HECTD4: variants seen among roughly 807,000 people sequenced by gnomAD.
HECTD4 encodes probable E3 ubiquitin-protein ligase HECTD4.
In HECTD4, 114 loss-of-function variants were observed where a neutral mutation model predicts 471.5. The ratio of observed to expected loss-of-function variants is 0.24; its 90% confidence interval spans 0.21 to 0.28. The LOEUF is 0.28. Ranked by LOEUF, HECTD4 falls within the 10% of genes least tolerant of loss-of-function variation. The pLI is 1.00. For missense variants in HECTD4, 3,866 were observed against 5,651.5 expected, an observed-to-expected ratio of 0.68 and a Z score of 10.13; for synonymous variants, 2,012 against 2,256.0, an observed-to-expected ratio of 0.89 and a Z score of 3.07.
intron 3 of HECTD4, among the ~76,000 whole-genome samples, chr12:112,314,184 A>AC (rs1294419535): frequency 6.6e-6 from 1 of 152,166 alleles, no homozygotes; most frequent in Non-Finnish European, 1.5e-5. Flanking sequence ...GACCACAGGC[A>AC]CGCACCACCA....
chr12:112,172,094 G>A (rs2031244408), intron 67 of HECTD4, among the ~76,000 whole-genome samples: 1 of 152,066 alleles, frequency 6.6e-6, no homozygotes, highest in East Asian at 1.9e-4. Flanking sequence ...GTAGAGATGG[G>A]GTTTCTCCAT....
intron 1 of HECTD4, among the ~76,000 whole-genome samples, chr12:112,337,878 T>A (rs2035986704): frequency 6.6e-6 from 1 of 152,222 alleles, no homozygotes; most frequent in Admixed American, 6.5e-5. Flanking sequence ...AGCAATTCTT[T>A]GACACTCCTG....
rs756977394 is a variant in HECTD4, at chr12:112,207,904, G to A, written c.8101C>T (p.Leu2701=). 6.2e-7 allele frequency: 1 copy of A among 1,613,952 alleles called. No individual in the cohort carries two copies. Among genetic ancestry groups the A allele is most frequent in the East Asian group, 2.2e-5 (1 of 44,888 alleles). ...TGTAAGGCCCCCTTTATCTGGTCCA[G>A]GCCCGATTTCCGCTCTGCTTCATTG... is the stretch of plus-strand genomic sequence containing the variant. ...FRNEAERKSG[L]DQIKGALQLG... Residue 2701 remains leucine, a synonymous_variant, in exon 52 of 76, where the codon CTG becomes TTG. Transcript: ENST00000682272.
intron 7 of HECTD4, among the ~76,000 whole-genome samples, chr12:112,299,898 A>G (rs1357255598): frequency 6.6e-6 from 1 of 152,234 alleles, no homozygotes; most frequent in Non-Finnish European, 1.5e-5. Flanking sequence ...TTTTGATTAC[A>G]TAACTATACG....
chr12:112,207,106 A>ATG (rs200619281), intron 52 of HECTD4, among the ~76,000 whole-genome samples: 3 of 148,150 alleles, frequency 2.0e-5, no homozygotes, highest in Non-Finnish European at 3.0e-5. Context: ...GTTTATGTAT[A>ATG]TGTGTGTGTG....
At chr12:112,305,836 T>C (rs1186366210) in intron 7 of HECTD4, among the ~76,000 whole-genome samples, 4 of 152,212 alleles carry the variant, frequency 2.6e-5, no homozygotes, top group Non-Finnish European at 5.9e-5. Flanking sequence ...CATTAAATAA[T>C]GTTATCTCCA....
At chr12:112,294,329 C>G (rs1364350910) in intron 7 of HECTD4, among the ~76,000 whole-genome samples, 1 of 152,102 alleles carries the variant, frequency 6.6e-6, no homozygotes, top group East Asian at 1.9e-4. Context: ...TTAATCATAA[C>G]TCAGTAGAGA....
chr12:112,303,719 T>C (rs759528290), intron 7 of HECTD4, among the ~76,000 whole-genome samples: 11 of 151,794 alleles, frequency 7.2e-5, no homozygotes, highest in Non-Finnish European at 1.3e-4. Context: ...GGTGTGGTCA[T>C]GCACGCCTAA....
At chr12:112,376,156 A>AT (rs1785300596) in intron 1 of HECTD4, among the ~76,000 whole-genome samples, 1 of 151,948 alleles carries the variant, frequency 6.6e-6, no homozygotes, top group Non-Finnish European at 1.5e-5. Flanking sequence ...ACAAACGGCT[A>AT]TTTTTTCTTT....
intron 8 of HECTD4, among the ~76,000 whole-genome samples, chr12:112,281,068 G>A (rs2034630515): frequency 6.6e-6 from 1 of 152,142 alleles, no homozygotes; most frequent in Non-Finnish European, 1.5e-5. Flanking sequence ...TGGGATTATA[G>A]GCATAAGCCA....
Position 112,381,868 on chromosome 12 carries a change from G to C in HECTD4, c.177+84C>G, listed in dbSNP as rs939156648. On this transcript the variant is annotated intron_variant, in intron 1 of 75. Coordinates refer to ENST00000682272, the MANE Select transcript of HECTD4 (RefSeq NM_001388303.1). This position sits in a 1 kb window ranked among gnomAD's most constrained non-coding sequence, Gnocchi z 4.1. ...GCAGCCGCCGGGAGGCGAGGCCGCG[G>C]CTGAGGCGAGGAGGGGGCCCGACCC... 3.9e-6 allele frequency: 4 copies of C among 1,012,800 alleles called. No homozygotes were observed. The African/African-American group carries it at 5.0e-5, about 13-fold the overall frequency. The allele number at this position is 1,012,800 out of a possible 1,614,324, so 62.7% of individuals were successfully genotyped here. A position where few individuals can be genotyped will look rare whatever the true frequency, so the allele number is the denominator to read the frequency against.
chr12:112,289,546 C>T (rs1239296142), intron 7 of HECTD4, among the ~76,000 whole-genome samples: 1 of 152,014 alleles, frequency 6.6e-6, no homozygotes, highest in Non-Finnish European at 1.5e-5. Flanking sequence ...TGGAGGAATA[C>T]AGATGGTGTT....
At chr12:112,208,893 CTT>C (rs756330403) in intron 50 of HECTD4, among the ~76,000 whole-genome samples, 2 of 72,468 alleles carry the variant, frequency 2.8e-5, no homozygotes, top group Non-Finnish European at 5.1e-5. Flanking sequence ...ACTAAACAGG[CTT>C]TTTTTTTTTT....
chr12:112,238,947 C>T, intron 34 of HECTD4, 105 bp downstream of exon 34: 1 of 1,108,808 alleles, frequency 9.0e-7, no homozygotes, highest in Non-Finnish European at 1.3e-6. Context: ...CTGATCATGT[C>T]ATTTAATAGA....
chr12:112,201,135 C>A, intron 54 of HECTD4: 1 of 452,980 alleles, frequency 2.2e-6, no homozygotes, highest in Non-Finnish European at 4.4e-6. Context: ...ACCGTGTCAT[C>A]CAAGCTGGAG....
intron 45 of HECTD4, among the ~76,000 whole-genome samples, chr12:112,217,952 T>C (rs1440330034): frequency 1.3e-5 from 2 of 152,164 alleles, no homozygotes; most frequent in Non-Finnish European, 2.9e-5. Context: ...CTCAAGCTTC[T>C]CTATCAGATA....
At chr12:112,349,337 G>A (rs1308767871) in intron 1 of HECTD4, among the ~76,000 whole-genome samples, 7 of 135,048 alleles carry the variant, frequency 5.2e-5, no homozygotes, top group African/African-American at 2.0e-4. Flanking sequence ...TGAGTGAGCC[G>A]AGATCGCACC....
At chr12:112,260,117 C>G (rs911561712) in intron 18 of HECTD4, among the ~76,000 whole-genome samples, 2 of 152,106 alleles carry the variant, frequency 1.3e-5, no homozygotes, top group African/African-American at 4.8e-5. Flanking sequence ...ACAATAACTC[C>G]TCATTTTCCC....
chr12:112,305,997 A>G, intron 7 of HECTD4, 67 bp downstream of exon 7: 1 of 1,486,326 alleles, frequency 6.7e-7, no homozygotes, highest in Non-Finnish European at 9.1e-7. Context: ...CCCTTTGCAC[A>G]CCAATATAAA....
Sources: allele counts gnomAD v4.1 joint callset (sites outside exome capture counted in the v4.1 genomes callset), GRCh38; gene constraint gnomAD v4.1.1; non-coding constraint Gnocchi (gnomAD v3.1); transcripts MANE v1.5; gene names NCBI Gene and HGNC (gene_info 2026-07-23, HGNC 2026-07-21).